The following HMCN2 variants were observed in gnomAD, a reference collection of about 807,000 sequenced individuals.
HMCN2 encodes the protein hemicentin 2.
In HMCN2, 325 loss-of-function variants were observed where a neutral mutation model predicts 377.5. That is an observed-to-expected ratio of 0.86 (90% CI 0.79 to 0.94). HMCN2 has a LOEUF of 0.94. Among genes scored for constraint, HMCN2 ranks in the 40% least tolerant of loss-of-function variants. The pLI, the probability that HMCN2 is intolerant of heterozygous loss-of-function variation, is 0.00. For synonymous variants in HMCN2, 2,007 were observed against 2,046.8 expected (o/e 0.98, Z 0.53); for missense variants, 4,543 against 4,725.3 (o/e 0.96, Z 1.13).
At chr9:130,433,313 G>T (rs1284427842) in intron 97 of HMCN2, 35 bp from the exon 98 acceptor site, 1 of 1,391,584 alleles carries the variant, frequency 7.2e-7, no homozygotes, top group Middle Eastern at 2.6e-4. Flanking sequence ...CCGCACCCCC[G>T]AGTCCGCCTG....
At chr9:130,317,734 C>G (rs1415787416) in intron 15 of HMCN2, among the ~76,000 whole-genome samples, 2 of 138,732 alleles carry the variant, frequency 1.4e-5, no homozygotes, top group Admixed American at 1.5e-4. Context: ...CGCAGGGAGC[C>G]GAGATTGCGC....
intron 60 of HMCN2, among the ~76,000 whole-genome samples, chr9:130,386,148 G>A (rs115503950): frequency 0.023 from 3,542 of 152,174 alleles, 140 homozygotes; most frequent in African/African-American, 0.081. Flanking sequence ...TGTCCCCCTC[G>A]AAATCCATTC....
intron 91 of HMCN2, 46 bp from the exon 92 acceptor site, chr9:130,427,451 C>A (rs1278484885): frequency 6.5e-7 from 1 of 1,550,286 alleles, no homozygotes; most frequent in Admixed American, 2.0e-5. Flanking sequence ...AGCCAGCTGG[C>A]AGGAGGGCCT....
chr9:130,279,439 G>C (rs1432136772), intron 1 of HMCN2, among the ~76,000 whole-genome samples: 1 of 151,980 alleles, frequency 6.6e-6, no homozygotes, highest in South Asian at 2.1e-4. Flanking sequence ...TGCAACCTCT[G>C]CCTCCCAGGT....
chr9:130,385,621 G>A lies in HMCN2; in HGVS notation c.9168G>A (p.Gly3056=), dbSNP rs1431130813. ...GPQDAVLVRV[G]DKAVLSCETD... ...AGGATGCGGTCCTGGTGAGGGTCGG[G>A]GACAAAGCTGTCCTGAGCTGCGAGA... is the stretch of plus-strand genomic sequence containing the variant. The change falls in exon 60 of 98, where the codon GGG becomes GGA. Residue 3056 remains glycine, a synonymous_variant. Coordinates refer to ENST00000683500, the MANE Select transcript of HMCN2 (RefSeq NM_001291815.2). 3.1e-6 allele frequency: 4 copies of A among 1,304,200 alleles called. No individual in the cohort carries two copies. In the Admixed American group the frequency reaches 6.9e-5, roughly 22 times the overall value. 80.8% of individuals were successfully genotyped at this position (1,304,200 alleles called of 1,614,324 possible).
At chr9:130,425,645 T>TCCCCCCCCCCCCCCCCCCCCCCC in intron 89 of HMCN2, 42 bp from the exon 90 acceptor site, 1 of 683,084 alleles carries the variant, frequency 1.5e-6, no homozygotes, top group Non-Finnish European at 2.4e-6. Context: ...TTTCTCCCTC[T>TCCCCCCCCCCCCCCCCCCCCCCC]CCCCCACCCC....
chr9:130,433,342 CCGCAGGACGTGCTTCCGGCGCTGCT>C lies in HMCN2; in HGVS notation c.14898_14922del (p.Cys4967AlafsTer117). ...CCGCCTGTCCGTGTGTCTGTGCCGC[CCGCAGGACGTGCTTCCGGCGCTGCT>C]CGCAGGACTGCGGCACGGGCGGCCC... On this transcript the variant is annotated splice_acceptor_variant and splice_polypyrimidine_tract_variant and coding_sequence_variant and intron_variant, in exon 98 of 98. Coordinates refer to ENST00000683500, the MANE Select transcript of HMCN2 (RefSeq NM_001291815.2). LOFTEE classifies it high-confidence loss of function. The C allele has an allele frequency of 1.4e-6, 2 of 1,439,856 alleles. No homozygotes were observed. Among genetic ancestry groups the C allele is most frequent in the Non-Finnish European group, 9.1e-7 (1 of 1,104,656 alleles). The allele number at this position is 1,439,856 out of a possible 1,614,324, so 89.2% of individuals were successfully genotyped here.
chr9:130,419,750 A>C (rs914010789), intron 86 of HMCN2, among the ~76,000 whole-genome samples: 1 of 152,126 alleles, frequency 6.6e-6, no homozygotes, highest in Non-Finnish European at 1.5e-5. Context: ...TGTCCCTGGC[A>C]GACATCACTA....
chr9:130,373,154 A>C, intron 48 of HMCN2, 30 bp downstream of exon 48: 1 of 915,368 alleles, frequency 1.1e-6, no homozygotes, highest in Non-Finnish European at 1.3e-6. Context: ...ATGGGCTGGG[A>C]GAAGGGGCGG....
chr9:130,432,585 C>T, intron 97 of HMCN2, 30 bp downstream of exon 97: 1 of 1,545,760 alleles, frequency 6.5e-7, no homozygotes, highest in Non-Finnish European at 8.7e-7. Flanking sequence ...GGCCTCGTGC[C>T]CTCAGGAAAA....
At chr9:130,340,755 CA>C (rs1839002266) in intron 23 of HMCN2, among the ~76,000 whole-genome samples, 1 of 152,162 alleles carries the variant, frequency 6.6e-6, no homozygotes, top group Non-Finnish European at 1.5e-5. Flanking sequence ...TGACATCAGG[CA>C]ATCTGCCCAC....
intron 83 of HMCN2, among the ~76,000 whole-genome samples, chr9:130,408,266 C>T (rs1038980444): frequency 6.6e-6 from 1 of 152,208 alleles, no homozygotes; most frequent in Non-Finnish European, 1.5e-5. Context: ...GGATATAAGC[C>T]AGTCCAGAGC....
At chr9:130,296,891 G>A in intron 7 of HMCN2, 97 bp downstream of exon 7, 1 of 431,868 alleles carries the variant, frequency 2.3e-6, no homozygotes, top group Non-Finnish European at 4.8e-6. Flanking sequence ...GGAATGCTTG[G>A]CTGTGTGTGA....
intron 73 of HMCN2, among the ~76,000 whole-genome samples, chr9:130,396,896 C>T (rs2131698106): frequency 6.6e-6 from 1 of 152,340 alleles, no homozygotes; most frequent in South Asian, 2.1e-4. Context: ...CCTTCTGCGT[C>T]TCAGGAGAGG....
chr9:130,342,056 T>TAAATAAATAAATAAAA (rs1554947880), intron 24 of HMCN2, among the ~76,000 whole-genome samples: 20 of 148,002 alleles, frequency 1.4e-4, no homozygotes, highest in African/African-American at 4.7e-4. Flanking sequence ...AATAAATAAA[T>TAAATAAATAAATAAAA]AAATAAAAGC....
intron 43 of HMCN2, among the ~76,000 whole-genome samples, chr9:130,367,060 C>T (rs537155241): frequency 5.3e-5 from 8 of 151,768 alleles, no homozygotes; most frequent in Admixed American, 1.3e-4. Flanking sequence ...GCACCCCAGG[C>T]GGAGGTAAGG....
In HMCN2 at chr9:130,400,769, G is replaced by C; in HGVS notation, c.11606-14G>C. 7.8e-7 allele frequency: 1 copy of C among 1,280,326 alleles called. No individual in the cohort carries two copies. Among genetic ancestry groups the C allele is most frequent in the Non-Finnish European group, 1.0e-6 (1 of 983,884 alleles). The allele number at this position is 1,280,326 out of a possible 1,614,324, so 79.3% of individuals were successfully genotyped here. A position where few individuals can be genotyped will look rare whatever the true frequency, so the allele number is the denominator to read the frequency against. On this transcript the variant is annotated splice_polypyrimidine_tract_variant and intron_variant, in intron 76 of 97. Coordinates refer to ENST00000683500, the MANE Select transcript of HMCN2 (RefSeq NM_001291815.2). ...GCCCGCCGGCAGGGCCTCAAGCCTT[G>C]TCTTGGGTTTTAGTGCCTCCCACCA...
chr9:130,412,118 C>T (rs1411295346), intron 85 of HMCN2, among the ~76,000 whole-genome samples: 1 of 152,102 alleles, frequency 6.6e-6, no homozygotes. Context: ...ATTATAGGCG[C>T]ACGCCACCAC....
Position 130,423,678 on chromosome 9 carries a change from G to A in HMCN2, c.13381+952G>A, listed in dbSNP as rs1844147082. ...GTCCCTGACTCAGAGCAAGTGGGGA[G>A]CGGGTGTGTTCCCCTTGCCCAGTCC... On this transcript the variant is annotated intron_variant, in intron 87 of 97. Transcript: ENST00000683500. This position sits in a 1 kb window ranked among gnomAD's most constrained non-coding sequence, Gnocchi z 5.5. 6.6e-6 allele frequency among the ~76,000 whole-genome samples: 1 copy of A among 152,222 alleles called. No homozygotes were observed. Among genetic ancestry groups the A allele is most frequent in the Non-Finnish European group, 1.5e-5 (1 of 68,042 alleles).
Sources: gnomAD v4.1 joint callset for allele counts (sites outside exome capture counted in the v4.1 genomes callset) on GRCh38, gnomAD v4.1.1 for gene constraint, Gnocchi (gnomAD v3.1) non-coding constraint, MANE v1.5 for transcripts, NCBI Gene and HGNC (gene_info 2026-07-23, HGNC 2026-07-21) for gene names.